Variants in HTR3D observed in about 807,000 individuals in gnomAD.
HTR3D encodes the protein 5-hydroxytryptamine receptor 3D, also known as 5-hydroxytryptamine (serotonin) receptor 3 family member D.
In HTR3D, 47 loss-of-function variants were observed where a neutral mutation model predicts 45.8. The ratio of observed to expected loss-of-function variants is 1.03; its 90% CI spans 0.81 to 1.31. The LOEUF is 1.31. Ranked by LOEUF, HTR3D falls within the 50% of genes most tolerant of loss-of-function variation. The pLI, the probability that HTR3D is intolerant of heterozygous loss-of-function variation, is 0.00. For missense variants in HTR3D, 448 were observed against 506.9 expected, an observed-to-expected ratio of 0.88 and a Z score of 1.12; for synonymous variants, 203 against 199.8, an observed-to-expected ratio of 1.02 and a Z score of -0.13.
At chr3:184,033,608 G>A (rs529007890) in intron 1 of HTR3D, among the ~76,000 whole-genome samples, 40 of 152,128 alleles carry the variant, frequency 2.6e-4, no homozygotes, top group African/African-American at 7.9e-4. Flanking sequence ...CACCCACTAG[G>A]ATGGCTAGTA....
At chr3:184,035,690 CTTT>C (rs760703035) in intron 2 of HTR3D, among the ~76,000 whole-genome samples, 2 of 143,038 alleles carry the variant, frequency 1.4e-5, no homozygotes, top group African/African-American at 2.6e-5. Context: ...ACAATCAATT[CTTT>C]TTTTTTTTTT....
In HTR3D at chr3:184,032,645, C is replaced by T. The variant is rs530074322; in HGVS notation, c.66+838C>T. On this transcript the variant is annotated intron_variant, in intron 1 of 7. Transcript: ENST00000428798. ...TGGCAGGACACTGTAAAGTGGCGGT[C>T]GGGGTTGAGTTTGCATACACATCTG... is the stretch of plus-strand genomic sequence containing the variant. 2.6e-3 allele frequency among the ~76,000 whole-genome samples: 388 copies of T among 152,130 alleles called. 1 individual carries two copies. The highest frequency in any genetic ancestry group is 3.9e-3 in the Non-Finnish European group (263 of 67,988).
In HTR3D at chr3:184,036,814, G is replaced by C. The variant is rs2108961924; in HGVS notation, c.434G>C (p.Arg145Thr). 13 of 1,551,964 alleles carry C rather than the reference G, an allele frequency of 8.4e-6. No individual in the cohort carries two copies. The highest frequency in any genetic ancestry group is 1.1e-5 in the Non-Finnish European group (13 of 1,147,042). The change falls in exon 5 of 8, where the codon AGG becomes ACG. Residue 145 changes from arginine to threonine, a missense_variant. Transcript: ENST00000428798. ...CACAGAACCTCATTCAGAACAAGGA[G>C]GGAGTGGGTACTGCTGGGTATCCAA... The part of the protein sequence containing the change: ...IHHRTSFRTR[R>T]EWVLLGIQKR...
In HTR3D at chr3:184,032,851, C is replaced by G. The variant is rs891646169; in HGVS notation, c.66+1044C>G. ...TCTCCATGCAGAAACACTCTCCAGGCCCCCCAGCCCTGGCCCTCCTCTCTC... is the reference window on the plus strand; with the variant it reads ...TCTCCATGCAGAAACACTCTCCAGGGCCCCCAGCCCTGGCCCTCCTCTCTC... On this transcript the variant is annotated intron_variant, in intron 1 of 7. Transcript: ENST00000428798. 4.5e-6 allele frequency: 7 copies of G among 1,551,052 alleles called. No homozygotes were observed. In the African/African-American group the frequency reaches 5.5e-5, roughly 12 times the overall value.
At chr3:184,037,242 G>A (rs146028916) in intron 5 of HTR3D, among the ~76,000 whole-genome samples, 2,928 of 151,278 alleles carry the variant, frequency 0.019, 78 homozygotes, top group African/African-American at 0.067. Flanking sequence ...GTTTCACCAC[G>A]TTCACCAGGC....
rs779066932 is a variant in HTR3D, at chr3:184,038,230, T to A, written c.726T>A (p.His242Gln). The change falls in exon 6 of 8, where the codon CAT (histidine) becomes CAA (glutamine). Residue 242 changes from histidine to glutamine, a missense_variant. Transcript: ENST00000428798. The surrounding 1 kb of genome is among the most constrained non-coding windows in gnomAD (Gnocchi z 4.5). ...TCCCAGCCACTAGCACTTCATCACATGCTTCACTAGTACGTCCTCATCCAT... is the reference window on the plus strand; with the variant it reads ...TCCCAGCCACTAGCACTTCATCACAAGCTTCACTAGTACGTCCTCATCCAT... The part of the protein sequence containing the change: ...DLLPATSTSS[H>Q]ASLVRPHPSR... 13 of 1,614,106 alleles carry A rather than the reference T, an allele frequency of 8.1e-6. No homozygotes were observed. In the Admixed American group the frequency reaches 2.2e-4, roughly 27 times the overall value.
rs758080740 is a variant in HTR3D, at chr3:184,038,098, C to T, written c.594C>T (p.Ile198=). The stretch of plus-strand genomic sequence containing the variant: ...TGCCCAGTGGCATTCTGATTGCCAT[C>T]GATGCCCTCAGTTTCTACCTGCCAC... ...FLVPSGILIA[I]DALSFYLPLE... The change falls in exon 6 of 8, where the codon ATC becomes ATT. Residue 198 remains isoleucine (I), a synonymous_variant. Transcript: ENST00000428798. The surrounding 1 kb of genome is among the most constrained non-coding windows in gnomAD (Gnocchi z 4.5). 6 of 1,614,140 alleles carry T rather than the reference C, an allele frequency of 3.7e-6. No homozygotes were observed. The highest frequency in any genetic ancestry group is 2.2e-5 in the East Asian group (1 of 44,878).
intron 5 of HTR3D, 50 bp from the exon 6 acceptor site, chr3:184,037,971 A>C (rs1220331683): frequency 6.3e-7 from 1 of 1,594,642 alleles, no homozygotes; most frequent in Non-Finnish European, 8.5e-7. Context: ...ACCTGTCTTG[A>C]CAGCCTCCCA....
intron 5 of HTR3D, 92 bp from the exon 6 acceptor site, chr3:184,037,929 T>G: frequency 1.9e-5 from 29 of 1,488,918 alleles, no homozygotes; most frequent in Non-Finnish European, 2.6e-5. Flanking sequence ...ACTAGACAGT[T>G]TGGCCTGGGA....
At position 184,036,283 on chromosome 3, in the gene HTR3D, G is replaced by A. The variant is rs1413986064; in HGVS notation, c.198-92G>A. ...AGTCATCTGAGTGGGGCTGGAGCTCGAGAATGGGATGACCTGACAGAGAAA... is the reference window on the plus strand; with the variant it reads ...AGTCATCTGAGTGGGGCTGGAGCTCAAGAATGGGATGACCTGACAGAGAAA... On this transcript the variant is annotated intron_variant, in intron 3 of 7. Transcript: ENST00000428798. 1.2e-5 allele frequency: 19 copies of A among 1,534,178 alleles called. No individual in the cohort carries two copies. In the East Asian group the frequency reaches 1.9e-4, roughly 15 times the overall value.
In HTR3D at chr3:184,039,045, C is replaced by CTCCTG; in HGVS notation, c.*72_*73insCTGTC. 4.3e-5 allele frequency: 59 copies of CTCCTG among 1,362,242 alleles called. No homozygotes were observed. Among genetic ancestry groups the CTCCTG allele is most frequent in the Middle Eastern group, 1.8e-4 (1 of 5,426 alleles). The allele number at this position is 1,362,242 out of a possible 1,614,324, so 84.4% of individuals were successfully genotyped here. ...GAGAACTCCAGAAACCAGTCAGGCT[C>CTCCTG]TCAGTCAGCCTTGTGGCCCTGTCAA... On this transcript the variant is annotated 3_prime_UTR_variant, in exon 8 of 8. Transcript: ENST00000428798.
Position 184,038,197 on chromosome 3 carries a change from T to A in HTR3D, c.693T>A (p.Asn231Lys). 1 of 1,614,212 alleles carries A rather than the reference T, an allele frequency of 6.2e-7. No individual in the cohort carries two copies. The highest frequency in any genetic ancestry group is 8.5e-7 in the Non-Finnish European group (1 of 1,180,030). ...ACAGCGTCTTCCTGCTCATGATGAA[T>A]GACTTGCTCCCAGCCACTAGCACTT... ...LGYSVFLLMM[N>K]DLLPATSTSS... Residue 231 changes from asparagine to lysine, a missense_variant, in exon 6 of 8, where the codon AAT becomes AAA. Asn to Lys is a moderately conservative substitution (Grantham distance 94, BLOSUM62 0). Transcript: ENST00000428798. The surrounding 1 kb of genome is among the most constrained non-coding windows in gnomAD (Gnocchi z 4.5).
In HTR3D at chr3:184,038,255, T is replaced by A; in HGVS notation, c.751T>A (p.Ser251Thr). Residue 251 changes from serine to threonine, a missense_variant, in exon 6 of 8, where the codon TCA (serine) becomes ACA (threonine). Physicochemically the swap from Ser to Thr is moderately conservative, Grantham distance 58. Coordinates refer to ENST00000428798, the MANE Select transcript of HTR3D (RefSeq NM_001145143.1). This position sits in a 1 kb window ranked among gnomAD's most constrained non-coding sequence, Gnocchi z 4.5. ...SHASLVRPHP[S>T]RDQKRGVYFA... is the part of the protein sequence containing the mutation. ...TGCTTCACTAGTACGTCCTCATCCATCAAGAGACCAAAAGCGAGGTGTGTG... is the reference window on the plus strand; with the variant it reads ...TGCTTCACTAGTACGTCCTCATCCAACAAGAGACCAAAAGCGAGGTGTGTG... The A allele has an allele frequency of 6.2e-7, 1 of 1,614,026 alleles. No individual in the cohort carries two copies. Among genetic ancestry groups the A allele is most frequent in the South Asian group, 1.1e-5 (1 of 91,078 alleles).
intron 1 of HTR3D, among the ~76,000 whole-genome samples, 190 bp downstream of exon 1, chr3:184,031,997 T>C (rs936752464): frequency 2.1e-5 from 3 of 143,956 alleles, no homozygotes; most frequent in Non-Finnish European, 4.5e-5. Flanking sequence ...TTTCTCTTCT[T>C]TTTTTTTTTT....
intron 2 of HTR3D, among the ~76,000 whole-genome samples, 160 bp downstream of exon 2, chr3:184,035,382 T>C (rs1463975379): frequency 6.6e-6 from 1 of 152,220 alleles, no homozygotes; most frequent in Admixed American, 6.5e-5. Context: ...TTCTGATTAT[T>C]CTGCTGGTTT....
intron 1 of HTR3D, chr3:184,033,073 C>A: frequency 1.3e-6 from 2 of 1,541,070 alleles, no homozygotes; most frequent in Non-Finnish European, 1.8e-6. Context: ...AAGTCCTCAC[C>A]CAACATTGCA....
At position 184,031,933 on chromosome 3, in the gene HTR3D, G is replaced by A. The variant is rs12490798; in HGVS notation, c.66+126G>A. On this transcript the variant is annotated intron_variant, in intron 1 of 7. Coordinates refer to ENST00000428798, the MANE Select transcript of HTR3D (RefSeq NM_001145143.1). The stretch of plus-strand genomic sequence containing the variant: ...GTTCGTTATGGTAAAAATGATGCTC[G>A]TGACACTGATGGCTTTGTACCTCTT... The A allele has an allele frequency of 1.9e-3, 1,243 of 668,562 alleles. 23 individuals are homozygous for A. In the Admixed American group the frequency reaches 0.026, roughly 14 times the overall value. The allele number at this position is 668,562 out of a possible 1,614,324, so 41.4% of individuals were successfully genotyped here.
intron 1 of HTR3D, among the ~76,000 whole-genome samples, chr3:184,033,745 C>T (rs1462306107): frequency 6.6e-6 from 1 of 151,910 alleles, no homozygotes; most frequent in Non-Finnish European, 1.5e-5. Flanking sequence ...GGTGAAACCC[C>T]ATCTCTACTA....
At chr3:184,034,689 T>C (rs1722835291) in intron 1 of HTR3D, among the ~76,000 whole-genome samples, 1 of 152,070 alleles carries the variant, frequency 6.6e-6, no homozygotes, top group Non-Finnish European at 1.5e-5. Context: ...GGCGTGGTGG[T>C]GTGTGCCTCT....
Sources: allele counts gnomAD v4.1 joint callset (sites outside exome capture counted in the v4.1 genomes callset), GRCh38; gene constraint gnomAD v4.1.1; non-coding constraint Gnocchi (gnomAD v3.1); transcripts MANE v1.5; gene names NCBI Gene and HGNC (gene_info 2026-07-23, HGNC 2026-07-21).